The following FNDC3B variants were observed in gnomAD, a reference collection of about 807,000 sequenced individuals.
FNDC3B encodes fibronectin type III domain-containing protein 3B.
In FNDC3B, 12 loss-of-function variants were observed where a neutral mutation model predicts 151.5. That is an observed-to-expected ratio of 0.08 (90% CI 0.05 to 0.13). FNDC3B has a LOEUF of 0.13. FNDC3B is among the 10% of genes least tolerant of loss of function. The pLI is 1.00. For missense variants in FNDC3B, 1,214 were observed against 1,505.3 expected (o/e 0.81, Z 3.20); for synonymous variants, 528 against 549.0 (o/e 0.96, Z 0.54).
In FNDC3B at chr3:172,120,498, G is replaced by C. The variant is rs1720479173; in HGVS notation, c.111+7908G>C. ...CTTTTTGAATGGATGAAGGATGAAG[G>C]CAATGAACAGATTTAATTCATCTAT... On this transcript the variant is annotated intron_variant, in intron 2 of 25. Transcript: ENST00000415807. Among the ~76,000 whole-genome samples the C allele has an allele frequency of 3.9e-5, 6 of 152,000 alleles. No homozygotes were observed. In the South Asian group the frequency reaches 1.2e-3, roughly 32 times the overall value.
intron 2 of FNDC3B, among the ~76,000 whole-genome samples, chr3:172,116,504 G>A (rs981768053): frequency 6.6e-6 from 1 of 151,808 alleles, no homozygotes; most frequent in Non-Finnish European, 1.5e-5. Context: ...GCCTATTCTG[G>A]AATTTCATAT....
intron 13 of FNDC3B, among the ~76,000 whole-genome samples, chr3:172,331,345 T>C (rs1440723373): frequency 6.6e-6 from 1 of 152,102 alleles, no homozygotes; most frequent in African/African-American, 2.4e-5. Flanking sequence ...TATTAGCCTC[T>C]AGTCTGTTCT....
chr3:172,193,903 G>A (rs1343371141), intron 3 of FNDC3B, among the ~76,000 whole-genome samples: 1 of 152,142 alleles, frequency 6.6e-6, no homozygotes, highest in East Asian at 1.9e-4. Context: ...AGAATTGTGG[G>A]TGAGCAGGCC....
chr3:172,352,877 C>T lies in FNDC3B; in HGVS notation c.2589C>T (p.Pro863=), dbSNP rs746098174. ...LCQTPASAPD[P]VSTLCVLEEE... is the part of the protein sequence containing the mutation. ...AGACGCCAGCGTCTGCCCCTGACCC[C>T]GTCTCCACTCTCTGTGTCCTGGAGG... Residue 863 remains proline, a synonymous_variant, in exon 22 of 26, where the codon CCC becomes CCT. Coordinates refer to ENST00000415807, the MANE Select transcript of FNDC3B (RefSeq NM_022763.4). This position sits in a 1 kb window ranked among gnomAD's most constrained non-coding sequence, Gnocchi z 4.2. 5.7e-5 allele frequency: 92 copies of T among 1,614,084 alleles called. No homozygotes were observed. The highest frequency in any genetic ancestry group is 1.6e-4 in the Middle Eastern group (1 of 6,084).
intron 4 of FNDC3B, among the ~76,000 whole-genome samples, chr3:172,239,459 C>T (rs1727352676): frequency 6.6e-6 from 1 of 152,196 alleles, no homozygotes; most frequent in Non-Finnish European, 1.5e-5. Context: ...TCCCAGTTTT[C>T]TGTGTCCAGG....
At chr3:172,164,829 A>G (rs1248241096) in intron 3 of FNDC3B, among the ~76,000 whole-genome samples, 1 of 152,256 alleles carries the variant, frequency 6.6e-6, no homozygotes, top group African/African-American at 2.4e-5. Flanking sequence ...TGTGTTAGAA[A>G]GAAAAGGTAA....
At chr3:172,133,177 T>C (rs746034325) in intron 2 of FNDC3B, among the ~76,000 whole-genome samples, 2 of 152,218 alleles carry the variant, frequency 1.3e-5, no homozygotes, top group Non-Finnish European at 2.9e-5. Context: ...TTGTAGTTTC[T>C]AAATTTGTGA....
rs543908309 is a variant in FNDC3B at position 172,075,814 on chromosome 3, C to CT, written c.-29+36045dup. 1.4e-3 allele frequency among the ~76,000 whole-genome samples: 207 copies of CT among 151,720 alleles called. 1 individual carries two copies. Among genetic ancestry groups the CT allele is most frequent in the African/African-American group, 4.8e-3 (199 of 41,388 alleles). ...GAATCAAAAGTTTCACAAATCAATA[C>CT]TTGCCTTTTTCCTTTGTGATGCAAT... is the stretch of plus-strand genomic sequence containing the variant. On this transcript the variant is annotated intron_variant, in intron 1 of 25. Coordinates refer to ENST00000415807, the MANE Select transcript of FNDC3B (RefSeq NM_022763.4).
At chr3:172,318,823 CA>C (rs148896124) in intron 11 of FNDC3B, among the ~76,000 whole-genome samples, 1 of 152,298 alleles carries the variant, frequency 6.6e-6, no homozygotes, top group Non-Finnish European at 1.5e-5. Context: ...CATCAGAGAC[CA>C]TCTTTCACAT....
At chr3:172,193,220 C>T (rs1724634184) in intron 3 of FNDC3B, among the ~76,000 whole-genome samples, 1 of 34,992 alleles carries the variant, frequency 2.9e-5, no homozygotes, top group Non-Finnish European at 5.8e-5. Flanking sequence ...ATCCCTCCCT[C>T]CGTTCCTCCT....
At chr3:172,062,044 T>C (rs1043425891) in intron 1 of FNDC3B, among the ~76,000 whole-genome samples, 3 of 152,208 alleles carry the variant, frequency 2.0e-5, no homozygotes, top group Non-Finnish European at 4.4e-5. Context: ...GTAATCATGC[T>C]GGTGCTGAGG....
chr3:172,176,505 A>G (rs561416356), intron 3 of FNDC3B, among the ~76,000 whole-genome samples: 1 of 152,334 alleles, frequency 6.6e-6, no homozygotes, highest in South Asian at 2.1e-4. Flanking sequence ...GAATTGAGTT[A>G]GGAAATTTAG....
chr3:172,393,532 T>A (rs138923601), intron 25 of FNDC3B, among the ~76,000 whole-genome samples: 1 of 152,184 alleles, frequency 6.6e-6, no homozygotes, highest in Non-Finnish European at 1.5e-5. Context: ...CAACAGCAAC[T>A]GTATACACAT....
chr3:172,052,606 T>A lies in FNDC3B; in HGVS notation c.-29+12835T>A, dbSNP rs545040659. On this transcript the variant is annotated intron_variant, in intron 1 of 25. Coordinates refer to ENST00000415807, the MANE Select transcript of FNDC3B (RefSeq NM_022763.4). ...TATTTGCAGGGGGAGTTAAAGACTG[T>A]TAAGAGAAGAATCTCCTGGGACATT... Among the ~76,000 whole-genome samples, 60 of 152,280 alleles carry A rather than the reference T, an allele frequency of 3.9e-4. No homozygotes were observed. In the South Asian group the frequency reaches 4.1e-3, roughly 11 times the overall value.
At chr3:172,310,035 G>T (rs115405276) in intron 10 of FNDC3B, among the ~76,000 whole-genome samples, 2 of 152,040 alleles carry the variant, frequency 1.3e-5, no homozygotes, top group East Asian at 1.9e-4. Context: ...GACACGATCC[G>T]ACTCCTCTTC....
intron 6 of FNDC3B, among the ~76,000 whole-genome samples, chr3:172,271,897 G>A (rs1414336194): frequency 6.6e-6 from 1 of 152,162 alleles, no homozygotes; most frequent in African/African-American, 2.4e-5. Context: ...GGTTCAGAAG[G>A]CCTCCTAATA....
At chr3:172,205,825 TTTAA>T (rs1170243680) in intron 3 of FNDC3B, among the ~76,000 whole-genome samples, 1 of 152,202 alleles carries the variant, frequency 6.6e-6, no homozygotes, top group African/African-American at 2.4e-5. Flanking sequence ...AAGTTCCACA[TTTAA>T]TTAATTCCTG....
intron 4 of FNDC3B, among the ~76,000 whole-genome samples, chr3:172,239,994 G>A (rs866154664): frequency 2.7e-5 from 4 of 148,234 alleles, no homozygotes; most frequent in African/African-American, 4.9e-5. Flanking sequence ...TCAGCCTCCC[G>A]AGCAGCTGGG....
intron 1 of FNDC3B, among the ~76,000 whole-genome samples, chr3:172,093,657 C>T (rs1456923901): frequency 6.6e-6 from 1 of 152,136 alleles, no homozygotes; most frequent in Non-Finnish European, 1.5e-5. Flanking sequence ...CTTCAACCTC[C>T]CAAAGTGCTG....
Sources: allele counts gnomAD v4.1 joint callset (sites outside exome capture counted in the v4.1 genomes callset), GRCh38; gene constraint gnomAD v4.1.1; non-coding constraint Gnocchi (gnomAD v3.1); transcripts MANE v1.5; gene names NCBI Gene and HGNC (gene_info 2026-07-23, HGNC 2026-07-21).